The following PLIN4 variants were observed in gnomAD, a reference collection of about 807,000 sequenced individuals.
The protein encoded by PLIN4 is perilipin 4, also known as perilipin-4.
PLIN4 carries 57 observed loss-of-function variants against 52.4 expected under a neutral mutation model. That is an observed-to-expected ratio of 1.09 (90% confidence interval 0.88 to 1.36). The LOEUF is 1.36. Ranked by LOEUF, PLIN4 falls within the 40% of genes most tolerant of loss-of-function variation. The pLI, the probability that PLIN4 is intolerant of heterozygous loss-of-function variation, is 0.00. For missense variants in PLIN4, 1,757 were observed against 1,770.3 expected, an observed-to-expected ratio of 0.99 and a Z score of 0.13; for synonymous variants, 826 against 785.4, an observed-to-expected ratio of 1.05 and a Z score of -0.86.
intron 6 of PLIN4, among the ~76,000 whole-genome samples, chr19:4,507,351 C>T (rs186921607): frequency 2.6e-5 from 4 of 152,208 alleles, no homozygotes; most frequent in East Asian, 1.9e-4. Context: ...GCAAGAGGAT[C>T]GCGGGAGCGC....
chr19:4,511,458 A>T lies in PLIN4; in HGVS notation c.2502T>A (p.Ser834Arg), dbSNP rs1568230987. ...VLTGTKDTVCSGVTGAANVAK... is the reference protein window; with the variant it reads ...VLTGTKDTVCRGVTGAANVAK... ...CCACGTTCGCAGCACCGGTGACCCC[A>T]CTGCAGACAGTGTCCTTGGTACCGG... Residue 834 changes from serine to arginine, a missense_variant, in exon 5 of 8, where the codon AGT (serine) becomes AGA (arginine). Transcript: ENST00000301286. 3 of 1,539,138 alleles carry T rather than the reference A, an allele frequency of 1.9e-6. No homozygotes were observed. Among genetic ancestry groups the T allele is most frequent in the Non-Finnish European group, 2.7e-6 (3 of 1,124,286 alleles).
rs763929203 is a variant in PLIN4, at chr19:4,518,250, C to T, written c.23G>A (p.Arg8Lys). ...GCCCTTCGGTTTGGGGGGATCCCGT[C>T]TCCCTTCGTCTGGAGCAGACATAGT... MSAPDEG[R>K]RDPPKPKGKT... is the part of the protein sequence containing the mutation. Residue 8 changes from arginine (R) to lysine (K), a missense_variant, in exon 2 of 8, where the codon AGA (arginine) becomes AAA (lysine). Arg to Lys is a conservative substitution (Grantham distance 26). Transcript: ENST00000301286. The T allele has an allele frequency of 1.1e-4, 131 of 1,232,850 alleles. No individual in the cohort carries two copies. Among genetic ancestry groups the T allele is most frequent in the Non-Finnish European group, 1.3e-4 (130 of 988,620 alleles). The allele number at this position is 1,232,850 out of a possible 1,614,324, so 76.4% of individuals were successfully genotyped here.
At chr19:4,507,242 G>C (rs1976122475) in intron 6 of PLIN4, among the ~76,000 whole-genome samples, 1 of 152,246 alleles carries the variant, frequency 6.6e-6, no homozygotes, top group Admixed American at 6.5e-5. Context: ...GGTTTCTCAC[G>C]GCCCGCCGGG....
Position 4,512,653 on chromosome 19 carries a change from A to T in PLIN4, c.1307T>A (p.Val436Asp). ...CATGGCACCAGTCACCCCACTGCAG[A>T]CGGTGTCCTTTGTACCTGTTGCGAT... Reference protein sequence around the residue: ...QNIATGTKDTVCSGVTGAMNL... With the variant: ...QNIATGTKDTDCSGVTGAMNL... Residue 436 changes from valine (V) to aspartate (D), a missense_variant, in exon 5 of 8, where the codon GTC becomes GAC. Transcript: ENST00000301286. 1 of 1,574,350 alleles carries T rather than the reference A, an allele frequency of 6.4e-7. No homozygotes were observed. Among genetic ancestry groups the T allele is most frequent in the Non-Finnish European group, 8.6e-7 (1 of 1,162,052 alleles).
rs753673683 is a variant in PLIN4 at position 4,512,514 on chromosome 19, C to A, written c.1446G>T (p.Gly482=). The change falls in exon 5 of 8, where the codon GGG becomes GGT. Residue 482 remains glycine (G), a synonymous_variant. Coordinates refer to ENST00000301286, the MANE Select transcript of PLIN4 (RefSeq NM_001367868.2). The part of the protein sequence containing the change: ...GVTGAANVAK[G]AVQGGLDTTK... ...TAGTGTCCAGGCCGCCCTGGACGGCCCCTTTGGCCACATTCGCAGCACCGG... is the reference window on the plus strand; with the variant it reads ...TAGTGTCCAGGCCGCCCTGGACGGCACCTTTGGCCACATTCGCAGCACCGG... 1 of 1,609,212 alleles carries A rather than the reference C, an allele frequency of 6.2e-7. No individual in the cohort carries two copies.
In PLIN4 at chr19:4,510,954, G is replaced by T. The variant is rs370411817; in HGVS notation, c.3006C>A (p.Thr1002=). Residue 1002 remains threonine, a synonymous_variant, in exon 5 of 8, where the codon ACC becomes ACA. Transcript: ENST00000301286. ...GTKDTVFSGV[T]GAMSMAKGAV... ...CCCCTTTGGCCATGCTCATGGCACC[G>T]GTAACCCCACTGAAGACAGTGTCCT... is the stretch of plus-strand genomic sequence containing the variant. The T allele has an allele frequency of 6.2e-7, 1 of 1,613,222 alleles. No homozygotes were observed. The highest frequency in any genetic ancestry group is 8.5e-7 in the Non-Finnish European group (1 of 1,179,812).
Position 4,503,271 on chromosome 19 carries a change from GA to G in PLIN4, c.*1187del, listed in dbSNP as rs1975981269. 6.6e-6 allele frequency: 1 copy of G among 152,432 alleles called. No homozygotes were observed. Among genetic ancestry groups the G allele is most frequent in the African/African-American group, 2.4e-5 (1 of 41,458 alleles). 9.4% of individuals were successfully genotyped at this position (152,432 alleles called of 1,614,324 possible). A position where few individuals can be genotyped will look rare whatever the true frequency, so the allele number is the denominator to read the frequency against. ...AAGGTTCTCTTACCGGGTGAGTGGG[GA>G]TATGGCTTCCTGGGGAGGCCGGGCT... On this transcript the variant is annotated 3_prime_UTR_variant, in exon 8 of 8. Coordinates refer to ENST00000301286, the MANE Select transcript of PLIN4 (RefSeq NM_001367868.2).
chr19:4,510,305 G>C, intron 5 of PLIN4, 141 bp downstream of exon 5: 2 of 976,112 alleles, frequency 2.0e-6, no homozygotes, highest in Non-Finnish European at 1.3e-6. Context: ...GGCGGAGCTT[G>C]CAGTGAACCG....
chr19:4,513,314 C>A lies in PLIN4; in HGVS notation c.646G>T (p.Ala216Ser). 6.2e-7 allele frequency: 1 copy of A among 1,613,720 alleles called. No homozygotes were observed. The highest frequency in any genetic ancestry group is 8.5e-7 in the Non-Finnish European group (1 of 1,179,862). Residue 216 changes from alanine (A) to serine (S), a missense_variant, in exon 5 of 8, where the codon GCC becomes TCC. This residue lies in a region of PLIN4 where 332 missense variants were observed against 310.8 expected (regional missense o/e 1.07). Coordinates refer to ENST00000301286, the MANE Select transcript of PLIN4 (RefSeq NM_001367868.2). Reference sequence around the variant, plus strand: ...ACGCCAGTCTGGACAGTCCCTTTGGCCAAGTTCACTGCCCCCATGACCCCA... The same window carrying A: ...ACGCCAGTCTGGACAGTCCCTTTGGACAAGTTCACTGCCCCCATGACCCCA... ...TTGVMGAVNL[A>S]KGTVQTGVET...
intron 5 of PLIN4, among the ~76,000 whole-genome samples, chr19:4,509,446 A>C (rs1976218147): frequency 6.6e-6 from 1 of 150,490 alleles, no homozygotes; most frequent in Non-Finnish European, 1.5e-5. Context: ...GTGAAACCTT[A>C]TCTCTACTAA....
rs1159145844 is a variant in PLIN4 at position 4,504,863 on chromosome 19, C to G, written c.3787G>C (p.Glu1263Gln). 1.2e-6 allele frequency: 2 copies of G among 1,605,988 alleles called. No homozygotes were observed. The highest frequency in any genetic ancestry group is 8.5e-7 in the Non-Finnish European group (1 of 1,177,188). ...GASAEDAAVQ[E>Q]ERDAGVLSRV... ...CCCTAGCCCTGTGCCAGACCCACCT[C>G]CTGGACAGCAGCGTCCTCCGCACTG... Residue 1263 changes from glutamate to glutamine, a missense_variant and splice_region_variant, in exon 7 of 8, where the codon GAG becomes CAG. Physicochemically the swap from Glu to Gln is conservative, Grantham distance 29. Around this residue, in one of 7 missense-constraint regions of PLIN4, gnomAD observed 712 missense variants for 637.1 expected, o/e 1.12. Coordinates refer to ENST00000301286, the MANE Select transcript of PLIN4 (RefSeq NM_001367868.2).
chr19:4,509,406 C>T (rs866088558), intron 5 of PLIN4, among the ~76,000 whole-genome samples: 1 of 150,820 alleles, frequency 6.6e-6, no homozygotes, highest in African/African-American at 2.4e-5. Context: ...CACCTGGGAT[C>T]AGGAGCTCGA....
Position 4,507,475 on chromosome 19 carries a change from G to A in PLIN4, c.3702+1293C>T, listed in dbSNP as rs557386543. ...AGGCAGGAGGATCACTTGAACCCAGGAGTTTAAGACCAGCCTGGGCAACAT... is the reference window on the plus strand; with the variant it reads ...AGGCAGGAGGATCACTTGAACCCAGAAGTTTAAGACCAGCCTGGGCAACAT... On this transcript the variant is annotated intron_variant, in intron 6 of 7. Coordinates refer to ENST00000301286, the MANE Select transcript of PLIN4 (RefSeq NM_001367868.2). Among the ~76,000 whole-genome samples, 361 of 152,258 alleles carry A rather than the reference G, an allele frequency of 2.4e-3. 2 individuals are homozygous for A. The highest frequency in any genetic ancestry group is 8.5e-3 in the African/African-American group (352 of 41,558).
Position 4,508,848 on chromosome 19 carries a change from CAA to C in PLIN4, c.3620_3621del (p.Phe1207Ter). ...DLGPSFRQRAFEHAVSHLQHG... is the reference protein window; with the variant it reads ...DLGPSFRQRAXEHAVSHLQHG... ...TGCTGCAGGTGGCTCACCGCGTGTTCAAATGCCCGCTGGCGGAAGCTGGGACC... is the reference window on the plus strand; with the variant it reads ...TGCTGCAGGTGGCTCACCGCGTGTTCATGCCCGCTGGCGGAAGCTGGGACC... On this transcript the variant is annotated frameshift_variant, in exon 6 of 8. Transcript: ENST00000301286. LOFTEE classifies it high-confidence loss of function. 6.2e-7 allele frequency: 1 copy of C among 1,611,014 alleles called. No homozygotes were observed. Among genetic ancestry groups the C allele is most frequent in the Non-Finnish European group, 8.5e-7 (1 of 1,178,912 alleles).
intron 5 of PLIN4, 86 bp from the exon 6 acceptor site, chr19:4,509,041 G>T (rs959053085): frequency 7.5e-7 from 1 of 1,334,884 alleles, no homozygotes; most frequent in Non-Finnish European, 1.0e-6. Flanking sequence ...CGGGCGCGGC[G>T]GTTCCCGCCT....
chr19:4,504,871 G>A lies in PLIN4; in HGVS notation c.3779C>T (p.Ala1260Val). The A allele has an allele frequency of 6.2e-7, 1 of 1,606,322 alleles. No individual in the cohort carries two copies. The highest frequency in any genetic ancestry group is 8.5e-7 in the Non-Finnish European group (1 of 1,177,262). ...CTGTGCCAGACCCACCTCCTGGACA[G>A]CAGCGTCCTCCGCACTGGCACCTGA... Reference protein sequence around the residue: ...QGSGASAEDAAVQEERDAGVL... With the variant: ...QGSGASAEDAVVQEERDAGVL... The change falls in exon 7 of 8, where the codon GCT becomes GTT. Residue 1260 changes from alanine to valine, a missense_variant. Physicochemically the swap from Ala to Val is moderately conservative, Grantham distance 64 (BLOSUM62 0). Around this residue, in one of 7 missense-constraint regions of PLIN4, gnomAD observed 712 missense variants for 637.1 expected, o/e 1.12. Transcript: ENST00000301286.
rs752129461 is a variant in PLIN4, at chr19:4,511,247, C to T, written c.2713G>A (p.Ala905Thr). 1 of 1,611,032 alleles carries T rather than the reference C, an allele frequency of 6.2e-7. No homozygotes were observed. The highest frequency in any genetic ancestry group is 8.5e-7 in the Non-Finnish European group (1 of 1,178,114). The change falls in exon 5 of 8, where the codon GCT becomes ACT. Residue 905 changes from alanine to threonine, a missense_variant. Ala to Thr is a moderately conservative substitution (Grantham distance 58). Around this residue, in one of 7 missense-constraint regions of PLIN4, gnomAD observed 712 missense variants for 637.1 expected, o/e 1.12. Transcript: ENST00000301286. The part of the protein sequence containing the change: ...KDAVSTGLTG[A>T]VNLAKGTVQT... ...ACAGTCCCTTTGGCCAAGTTCACAG[C>T]CCCTGTGAGCCCAGTGGACACGGCA...
intron 5 of PLIN4, among the ~76,000 whole-genome samples, chr19:4,510,099 G>A (rs2145264058): frequency 6.6e-6 from 1 of 151,972 alleles, no homozygotes; most frequent in South Asian, 2.1e-4. Flanking sequence ...TGGGCGTGGT[G>A]GCTCACGCCT....
rs1251936881 is a variant in PLIN4, at chr19:4,504,943, T to A, written c.3707A>T (p.Glu1236Val). The change falls in exon 7 of 8, where the codon GAA becomes GTA. Residue 1236 changes from glutamate (E) to valine (V), a missense_variant. Coordinates refer to ENST00000301286, the MANE Select transcript of PLIN4 (RefSeq NM_001367868.2). The stretch of plus-strand genomic sequence containing the variant: ...CCCTTCTGGAGCCTGCTGGGCCTTT[T>A]CAATCTGGAGAGAGAGTACAGTGGG... ...AQLQDCFRLI[E>V]KAQQAPEGQP... is the part of the protein sequence containing the mutation. 2.5e-6 allele frequency: 4 copies of A among 1,602,572 alleles called. No homozygotes were observed. The highest frequency in any genetic ancestry group is 3.4e-6 in the Non-Finnish European group (4 of 1,175,866).
Sources: allele counts gnomAD v4.1 joint callset (sites outside exome capture counted in the v4.1 genomes callset), GRCh38; gene constraint gnomAD v4.1.1; regional missense constraint gnomAD v4.1.1; transcripts MANE v1.5; gene names NCBI Gene and HGNC (gene_info 2026-07-23, HGNC 2026-07-21).